The following CDK19 variants were observed in gnomAD, a reference collection of about 807,000 sequenced individuals.
The protein encoded by CDK19 is cyclin dependent kinase 19.
A neutral mutation model predicts 68.3 loss-of-function variants in CDK19; 20 were observed. The ratio of observed to expected loss-of-function variants is 0.29; its 90% confidence interval spans 0.21 to 0.43. The LOEUF is 0.43. Among genes scored for constraint, CDK19 ranks in the 20% least tolerant of loss-of-function variants. The pLI is 1.00. For missense variants in CDK19, 339 were observed against 623.5 expected, an observed-to-expected ratio of 0.54 and a Z score of 4.86; for synonymous variants, 221 against 222.8, an observed-to-expected ratio of 0.99 and a Z score of 0.07.
intron 1 of CDK19, among the ~76,000 whole-genome samples, chr6:110,804,642 C>T (rs1037292741): frequency 2.0e-5 from 3 of 150,248 alleles, no homozygotes; most frequent in Non-Finnish European, 4.4e-5. Context: ...CACCACACCC[C>T]GCCAAGTTAA....
At chr6:110,793,911 C>T (rs1453587153) in intron 1 of CDK19, among the ~76,000 whole-genome samples, 1 of 152,236 alleles carries the variant, frequency 6.6e-6, no homozygotes, top group African/African-American at 2.4e-5. Flanking sequence ...GCCCAGCATG[C>T]CCCATCTCTG....
At chr6:110,705,678 G>C (rs1011935040) in intron 2 of CDK19, among the ~76,000 whole-genome samples, 2 of 152,220 alleles carry the variant, frequency 1.3e-5, no homozygotes, top group African/African-American at 4.8e-5. Flanking sequence ...AACCAAGAAA[G>C]ATTACCTTCC....
chr6:110,764,952 A>AAAATAAATAAATAAATAAATAAAT (rs57218365), intron 1 of CDK19, among the ~76,000 whole-genome samples: 4,597 of 140,994 alleles, frequency 0.033, 115 homozygotes, highest in Non-Finnish European at 0.043. Context: ...CTCCATCTCA[A>AAAATAAATAAATAAATAAATAAAT]AAATAAATAA....
At position 110,815,086 on chromosome 6, in the gene CDK19, C is replaced by T. The variant is rs754258004; in HGVS notation, c.51G>A (p.Glu17=). 6 of 1,603,558 alleles carry T rather than the reference C, an allele frequency of 3.7e-6. No individual in the cohort carries two copies. The East Asian group carries it at 9.3e-5, about 25-fold the overall frequency. ...AKLAAERERV[E]DLFEYEGCKV... is the part of the protein sequence containing the mutation. ...TGCACCCTTCGTACTCAAACAAATC[C>T]TCCACCCGCTCCCGCTCCGCCGCCA... The change falls in exon 1 of 13, where the codon GAG becomes GAA. Residue 17 remains glutamate, a synonymous_variant. Coordinates refer to ENST00000368911, the MANE Select transcript of CDK19 (RefSeq NM_015076.5).
intron 2 of CDK19, among the ~76,000 whole-genome samples, chr6:110,716,409 A>G (rs878908599): frequency 6.6e-6 from 1 of 152,086 alleles, no homozygotes; most frequent in African/African-American, 2.4e-5. Flanking sequence ...TCAAACTTTA[A>G]TTGAAAAATT....
intron 2 of CDK19, among the ~76,000 whole-genome samples, chr6:110,702,801 C>CA (rs1378859998): frequency 2.0e-5 from 3 of 152,024 alleles, no homozygotes; most frequent in Admixed American, 1.3e-4. Context: ...GGTACATGCA[C>CA]AAAAAACGTC....
At position 110,667,919 on chromosome 6, in the gene CDK19, C is replaced by T. The variant is rs116189897; in HGVS notation, c.316-345G>A. On this transcript the variant is annotated intron_variant, in intron 3 of 12. Transcript: ENST00000368911. ...GAAAGATTTAAAAAAGAAAGAAAAACTGTAAATCTTCACTTTCTATAAAAA... is the reference window on the plus strand; with the variant it reads ...GAAAGATTTAAAAAAGAAAGAAAAATTGTAAATCTTCACTTTCTATAAAAA... Among the ~76,000 whole-genome samples, 790 of 152,216 alleles carry T rather than the reference C, an allele frequency of 5.2e-3. 5 individuals are homozygous for T. Among genetic ancestry groups the T allele is most frequent in the African/African-American group, 0.018 (768 of 41,538 alleles).
At chr6:110,641,515 A>AATTC (rs971097088) in intron 4 of CDK19, among the ~76,000 whole-genome samples, 2 of 151,334 alleles carry the variant, frequency 1.3e-5, no homozygotes, top group African/African-American at 4.9e-5. Flanking sequence ...GAATCGCTTG[A>AATTC]ACCCAGGAGG....
rs747504106 is a variant in CDK19 at position 110,614,664 on chromosome 6, G to A, written c.1380C>T (p.His460=). ...GGPVMPSDYQ[H]SSSRLNYQSS... ...TTTGGTAATTCAGGCGAGAACTGGA[G>A]TGCTAGGAGAAGGAAACAGGAAAAG... The change falls in exon 13 of 13, where the codon CAC becomes CAT. Residue 460 remains histidine (H), a splice_region_variant and synonymous_variant. Transcript: ENST00000368911. 29 of 1,613,938 alleles carry A rather than the reference G, an allele frequency of 1.8e-5. No homozygotes were observed. The highest frequency in any genetic ancestry group is 2.5e-5 in the Non-Finnish European group (29 of 1,179,962).
intron 1 of CDK19, among the ~76,000 whole-genome samples, chr6:110,782,328 T>C (rs1304601868): frequency 1.3e-5 from 2 of 152,228 alleles, no homozygotes; most frequent in Admixed American, 6.5e-5. Flanking sequence ...CACTTATCAG[T>C]CCTTCACTCA....
intron 1 of CDK19, among the ~76,000 whole-genome samples, chr6:110,787,833 T>G (rs919682364): frequency 6.6e-6 from 1 of 151,826 alleles, no homozygotes; most frequent in African/African-American, 2.4e-5. Flanking sequence ...GGTTTTGCGG[T>G]TTTTTTGTTT....
intron 8 of CDK19, among the ~76,000 whole-genome samples, chr6:110,623,873 A>C (rs1419070666): frequency 9.1e-6 from 1 of 110,216 alleles, no homozygotes; most frequent in Non-Finnish European, 1.8e-5. Context: ...TATATAGTAT[A>C]TATACGTATA....
intron 1 of CDK19, among the ~76,000 whole-genome samples, chr6:110,779,392 A>G (rs1780636280): frequency 6.6e-6 from 1 of 152,116 alleles, no homozygotes; most frequent in Non-Finnish European, 1.5e-5. Context: ...ACCAAATATG[A>G]ATGGACAATG....
chr6:110,746,773 C>G (rs1778104741), intron 1 of CDK19, among the ~76,000 whole-genome samples: 1 of 152,190 alleles, frequency 6.6e-6, no homozygotes, highest in Non-Finnish European at 1.5e-5. Context: ...TTCTCAGGAA[C>G]ACTAGGAGAA....
chr6:110,623,238 A>C (rs1200009539), intron 9 of CDK19, 52 bp downstream of exon 9: 1 of 1,423,154 alleles, frequency 7.0e-7, no homozygotes, highest in Non-Finnish European at 9.9e-7. Flanking sequence ...AGTAAATAGA[A>C]GGCGAGATTT....
At chr6:110,668,740 G>A (rs1366643037) in intron 3 of CDK19, among the ~76,000 whole-genome samples, 4 of 151,810 alleles carry the variant, frequency 2.6e-5, no homozygotes, top group South Asian at 2.1e-4. Context: ...GCTGAGGCAG[G>A]AGAATCACTT....
At chr6:110,632,815 T>TGGA (rs1779523673) in intron 5 of CDK19, among the ~76,000 whole-genome samples, 1 of 152,212 alleles carries the variant, frequency 6.6e-6, no homozygotes, top group Non-Finnish European at 1.5e-5. Context: ...AGGTCTGACT[T>TGGA]TAGATTCCTG....
intron 8 of CDK19, chr6:110,623,602 A>G (rs1364895374): frequency 5.6e-6 from 1 of 178,756 alleles, no homozygotes; most frequent in East Asian, 1.9e-4. Flanking sequence ...ATTAACCATT[A>G]GTGTTGAAAA....
intron 4 of CDK19, among the ~76,000 whole-genome samples, chr6:110,651,519 G>A (rs930164703): frequency 1.3e-5 from 2 of 152,138 alleles, no homozygotes; most frequent in African/African-American, 2.4e-5. Context: ...GATTGCTTGC[G>A]CTCAGGAGTT....
Sources: allele counts gnomAD v4.1 joint callset (sites outside exome capture counted in the v4.1 genomes callset), GRCh38; gene constraint gnomAD v4.1.1; transcripts MANE v1.5; gene names NCBI Gene and HGNC (gene_info 2026-07-23, HGNC 2026-07-21).